Variants in ABAT observed in about 807,000 individuals in gnomAD.
ABAT encodes 4-aminobutyrate aminotransferase, mitochondrial.
In ABAT, 45 loss-of-function variants were observed where a neutral mutation model predicts 64.6. The ratio of observed to expected loss-of-function variants is 0.70; its 90% CI spans 0.55 to 0.89. ABAT has a LOEUF of 0.89. ABAT is among the 40% of genes least tolerant of loss of function. ABAT has a pLI of 0.00. For missense variants in ABAT, 633 were observed against 658.4 expected (o/e 0.96, Z 0.42); for synonymous variants, 297 against 250.5 (o/e 1.19, Z -1.75).
chr16:8,722,913 G>C (rs1014318555), intron 1 of ABAT: 3 of 1,266,600 alleles, frequency 2.4e-6, no homozygotes, highest in Non-Finnish European at 3.1e-6. Flanking sequence ...ACGCTTGTCA[G>C]GTGTTTCTTA....
intron 1 of ABAT, among the ~76,000 whole-genome samples, chr16:8,704,790 A>G (rs956764191): frequency 8.5e-5 from 13 of 152,178 alleles, no homozygotes; most frequent in Non-Finnish European, 1.0e-4. Context: ...TATTTGAGCA[A>G]TCCTCTACCA....
intron 2 of ABAT, among the ~76,000 whole-genome samples, chr16:8,742,527 C>T (rs1009449860): frequency 6.6e-6 from 1 of 151,956 alleles, no homozygotes; most frequent in Non-Finnish European, 1.5e-5. Context: ...CAATGCTGTC[C>T]AGTTATCCTG....
In ABAT at chr16:8,764,854, C is replaced by CACAG; in HGVS notation, c.540+27_540+28insGACA. ...GGGTGAGGTTTGGGGCACACACACA[C>CACAG]ACACACACACAGGCTCCCCAGCACC... On this transcript the variant is annotated intron_variant, in intron 8 of 15. Transcript: ENST00000268251. This position sits in a 1 kb window ranked among gnomAD's most constrained non-coding sequence, Gnocchi z 4.2. 4 of 1,586,518 alleles carry CACAG rather than the reference C, an allele frequency of 2.5e-6. No individual in the cohort carries two copies. The South Asian group carries it at 4.4e-5, about 18-fold the overall frequency.
rs200011359 is a variant in ABAT, at chr16:8,762,006, C to T, written c.367-2063C>T. Among the ~76,000 whole-genome samples the T allele has an allele frequency of 7.7e-4, 110 of 142,810 alleles. 1 individual carries two copies. The South Asian group carries it at 0.012, about 15-fold the overall frequency. 93.7% of individuals were successfully genotyped at this position (142,810 alleles called of 152,430 possible). The stretch of plus-strand genomic sequence containing the variant: ...TTCTCCTTCTCCTTCTCCTTCTTCT[C>T]CTTCTTCTTCTTTCTTCTTTCTCTC... On this transcript the variant is annotated intron_variant, in intron 6 of 15. Coordinates refer to ENST00000268251, the MANE Select transcript of ABAT (RefSeq NM_020686.6).
At chr16:8,675,747 G>C (rs961402913) in intron 1 of ABAT, among the ~76,000 whole-genome samples, 1 of 152,124 alleles carries the variant, frequency 6.6e-6, no homozygotes, top group Non-Finnish European at 1.5e-5. Context: ...GACCAGCAGA[G>C]ACCACCCGCC....
chr16:8,687,612 A>T (rs2057485623), intron 1 of ABAT, among the ~76,000 whole-genome samples: 1 of 152,214 alleles, frequency 6.6e-6, no homozygotes, highest in Non-Finnish European at 1.5e-5. Context: ...GCCACCTGTC[A>T]ACAAATCAGA....
chr16:8,708,457 G>T (rs2057998450), intron 1 of ABAT, among the ~76,000 whole-genome samples: 2 of 151,886 alleles, frequency 1.3e-5, no homozygotes, highest in South Asian at 4.2e-4. Flanking sequence ...TGGTGGGGTG[G>T]TGGGGGGCGC....
intron 1 of ABAT, among the ~76,000 whole-genome samples, chr16:8,707,905 C>T (rs1328530826): frequency 1.2e-4 from 19 of 152,182 alleles, no homozygotes; most frequent in Admixed American, 1.2e-3. Flanking sequence ...AGGTTATCAT[C>T]CCAGAACCAG....
At chr16:8,684,480 G>A (rs1400544676) in intron 1 of ABAT, among the ~76,000 whole-genome samples, 1 of 152,130 alleles carries the variant, frequency 6.6e-6, no homozygotes, top group African/African-American at 2.4e-5. Context: ...AGCTGAGGCA[G>A]GAAGATTACT....
intron 1 of ABAT, among the ~76,000 whole-genome samples, chr16:8,694,520 G>A (rs2057659179): frequency 6.6e-6 from 1 of 152,110 alleles, no homozygotes; most frequent in South Asian, 2.1e-4. Context: ...TGGGACCACA[G>A]GCACATGCCT....
rs1244755502 is a variant in ABAT, at chr16:8,783,359, G to A, written c.*1929G>A. On this transcript the variant is annotated 3_prime_UTR_variant, in exon 16 of 16. Transcript: ENST00000268251. ...CTAACAATTCAAGCAGGCGCCAAGT[G>A]CTATGACAGAGGTGTGAATAAAAGC... 6.6e-6 allele frequency: 1 copy of A among 152,086 alleles called. No homozygotes were observed. Among genetic ancestry groups the A allele is most frequent in the East Asian group, 1.9e-4 (1 of 5,168 alleles). 9.4% of individuals were successfully genotyped at this position (152,086 alleles called of 1,614,324 possible).
At chr16:8,762,133 G>C (rs1180673502) in intron 6 of ABAT, among the ~76,000 whole-genome samples, 1 of 152,054 alleles carries the variant, frequency 6.6e-6, no homozygotes. Flanking sequence ...TAAGTGACTG[G>C]GATTATAGGC....
chr16:8,729,186 T>G (rs2058646616), intron 1 of ABAT, among the ~76,000 whole-genome samples: 2 of 150,756 alleles, frequency 1.3e-5, no homozygotes, highest in South Asian at 4.2e-4. Context: ...CGTTCGCCTG[T>G]AGTTCCAGGT....
At chr16:8,710,661 G>A (rs972929842) in intron 1 of ABAT, among the ~76,000 whole-genome samples, 11 of 136,398 alleles carry the variant, frequency 8.1e-5, no homozygotes, top group Admixed American at 8.0e-5. Flanking sequence ...GATCACTTGA[G>A]TCCAGGAGGT....
chr16:8,681,640 T>G (rs28609006), intron 1 of ABAT, among the ~76,000 whole-genome samples: 94 of 94,308 alleles, frequency 1.0e-3, no homozygotes, highest in African/African-American at 3.5e-3. Context: ...ATGACTGCTA[T>G]CTTTTTTTTT....
chr16:8,739,095 C>T (rs9936647), intron 2 of ABAT, among the ~76,000 whole-genome samples: 51,565 of 152,094 alleles, frequency 0.34, 10,012 homozygotes, highest in African/African-American at 0.55. Flanking sequence ...ATAACTAAGG[C>T]TGTTGGGCAC....
intron 14 of ABAT, among the ~76,000 whole-genome samples, chr16:8,778,342 C>A (rs1371205304): frequency 6.6e-6 from 1 of 152,168 alleles, no homozygotes; most frequent in Non-Finnish European, 1.5e-5. Context: ...CTGTTCCATG[C>A]CCCTCTCCAC....
chr16:8,772,765 C>A lies in ABAT; in HGVS notation c.817-15C>A, dbSNP rs761188607. ...GCCTCTGCCATCGGTGGTCACTTTC[C>A]CCTTTGGGATCCAGGTGGAGGATCT... On this transcript the variant is annotated splice_polypyrimidine_tract_variant and intron_variant, in intron 11 of 15. Coordinates refer to ENST00000268251, the MANE Select transcript of ABAT (RefSeq NM_020686.6). The A allele has an allele frequency of 4.3e-5, 69 of 1,613,862 alleles. No individual in the cohort carries two copies. The highest frequency in any genetic ancestry group is 5.3e-5 in the Non-Finnish European group (63 of 1,179,976).
chr16:8,776,437 A>C lies in ABAT; in HGVS notation c.1216A>C (p.Asn406His). ...CATCATCAAGCGGGAGGACCTGCTA[A>C]ATAATGCAGCCCATGCCGGGAAGGC... ...INIIKREDLL[N>H]NAAHAGKALL... The change falls in exon 14 of 16, where the codon AAT (asparagine) becomes CAT (histidine). Residue 406 changes from asparagine (N) to histidine (H), a missense_variant. Asn to His is a moderately conservative substitution (Grantham distance 68). Coordinates refer to ENST00000268251, the MANE Select transcript of ABAT (RefSeq NM_020686.6). This position sits in a 1 kb window ranked among gnomAD's most constrained non-coding sequence, Gnocchi z 4.4. The C allele has an allele frequency of 6.2e-7, 1 of 1,614,196 alleles. No homozygotes were observed. Among genetic ancestry groups the C allele is most frequent in the Non-Finnish European group, 8.5e-7 (1 of 1,180,032 alleles).
Sources: allele counts gnomAD v4.1 joint callset (sites outside exome capture counted in the v4.1 genomes callset), GRCh38; gene constraint gnomAD v4.1.1; non-coding constraint Gnocchi (gnomAD v3.1); transcripts MANE v1.5; gene names NCBI Gene and HGNC (gene_info 2026-07-23, HGNC 2026-07-21).